The following LARS2 variants were observed in gnomAD, a reference collection of about 807,000 sequenced individuals.
LARS2 encodes the protein leucyl-tRNA synthetase 2, mitochondrial, also known as leucine--tRNA ligase, mitochondrial.
A neutral mutation model predicts 116.6 loss-of-function variants in LARS2; 81 were observed. The observed-to-expected ratio is 0.69, with a 90% CI of 0.58 to 0.84. The LOEUF is 0.84. Among genes scored for constraint, LARS2 ranks in the 40% least tolerant of loss-of-function variants. The probability of loss-of-function intolerance (pLI) is 0.00; values close to 1 mark genes in which losing one functional copy is unlikely to be tolerated. For missense variants in LARS2, 968 were observed against 1,114.5 expected (o/e 0.87, Z 1.87); for synonymous variants, 396 against 407.2 (o/e 0.97, Z 0.33).
At chr3:45,532,912 G>C (rs1700638621) in intron 20 of LARS2, among the ~76,000 whole-genome samples, 1 of 152,154 alleles carries the variant, frequency 6.6e-6, no homozygotes, top group Admixed American at 6.5e-5. Context: ...AAAGTGCTGG[G>C]ATTACAGGTG....
At position 45,511,026 on chromosome 3, in the gene LARS2, C is replaced by T. The variant is rs958850309; in HGVS notation, c.1761-2109C>T. On this transcript the variant is annotated intron_variant, in intron 15 of 21. Transcript: ENST00000645846. ...TGGTACGAAGAAGAATTCAGAGACTCGTTCTGAGCACCAGGAGTGCTGCTG... is the reference window on the plus strand; with the variant it reads ...TGGTACGAAGAAGAATTCAGAGACTTGTTCTGAGCACCAGGAGTGCTGCTG... 9.2e-5 allele frequency among the ~76,000 whole-genome samples: 14 copies of T among 152,164 alleles called. No individual in the cohort carries two copies. The South Asian group carries it at 1.2e-3, about 14-fold the overall frequency.
chr3:45,422,902 G>A (rs759561504), intron 6 of LARS2, among the ~76,000 whole-genome samples: 4 of 152,106 alleles, frequency 2.6e-5, no homozygotes, highest in Non-Finnish European at 4.4e-5. Context: ...GGGGCAATTT[G>A]GAGTCTTTGT....
At chr3:45,431,238 ATGTT>A (rs1253289089) in intron 6 of LARS2, among the ~76,000 whole-genome samples, 3 of 152,150 alleles carry the variant, frequency 2.0e-5, no homozygotes, top group African/African-American at 7.2e-5. Flanking sequence ...TGAAAAATAA[ATGTT>A]TGTTGTTTAA....
At chr3:45,388,854 A>G (rs1697890444) in intron 1 of LARS2, 174 bp downstream of exon 1, 1 of 152,128 alleles carries the variant, frequency 6.6e-6, no homozygotes, top group Non-Finnish European at 1.5e-5. Flanking sequence ...GGTCTTCAGG[A>G]CCTTTGAGCC....
chr3:45,406,681 AC>A (rs1698237809), intron 4 of LARS2, among the ~76,000 whole-genome samples: 1 of 151,898 alleles, frequency 6.6e-6, no homozygotes, highest in Non-Finnish European at 1.5e-5. Context: ...CACTGAGAAA[AC>A]CCTCTAAAAA....
chr3:45,402,417 C>T (rs1467697203), intron 4 of LARS2, among the ~76,000 whole-genome samples: 1 of 152,198 alleles, frequency 6.6e-6, no homozygotes, highest in Non-Finnish European at 1.5e-5. Context: ...AGCAAACCTA[C>T]AAATCATGGC....
intron 14 of LARS2, among the ~76,000 whole-genome samples, chr3:45,498,794 A>G (rs980166938): frequency 1.3e-5 from 2 of 152,208 alleles, no homozygotes; most frequent in Non-Finnish European, 2.9e-5. Flanking sequence ...AATGGAAATG[A>G]CATTTCCTTT....
At chr3:45,432,333 A>G (rs1283085137) in intron 6 of LARS2, among the ~76,000 whole-genome samples, 2 of 152,164 alleles carry the variant, frequency 1.3e-5, no homozygotes, top group South Asian at 2.1e-4. Flanking sequence ...AACACTCTAC[A>G]TGACAACAGA....
chr3:45,428,660 G>T (rs910201426), intron 6 of LARS2, among the ~76,000 whole-genome samples: 1 of 152,138 alleles, frequency 6.6e-6, no homozygotes, highest in Non-Finnish European at 1.5e-5. Flanking sequence ...AGTTTTTAAA[G>T]TTGTATCAAT....
intron 20 of LARS2, among the ~76,000 whole-genome samples, chr3:45,533,287 A>C (rs961047946): frequency 1.4e-4 from 21 of 150,934 alleles, no homozygotes; most frequent in African/African-American, 4.9e-4. Flanking sequence ...AGTAGCTGGG[A>C]CTACAGGCCC....
chr3:45,505,501 C>T lies in LARS2; in HGVS notation c.1760+4922C>T, dbSNP rs567485302. ...ATGAGTTTGAGACCAGCCTAGGCAA[C>T]GTAGTGAGACTCCATCTGTTAAAAA... On this transcript the variant is annotated intron_variant, in intron 15 of 21. Coordinates refer to ENST00000645846, the MANE Select transcript of LARS2 (RefSeq NM_015340.4). Among the ~76,000 whole-genome samples, 6 of 149,706 alleles carry T rather than the reference C, an allele frequency of 4.0e-5. No individual in the cohort carries two copies. In the South Asian group the frequency reaches 1.3e-3, roughly 32 times the overall value.
intron 20 of LARS2, among the ~76,000 whole-genome samples, chr3:45,532,489 T>TG (rs1490002533): frequency 1.3e-5 from 2 of 152,186 alleles, no homozygotes; most frequent in Non-Finnish European, 2.9e-5. Context: ...AAATTCTGTT[T>TG]GGGAAAAAAA....
rs1553632528 is a variant in LARS2 at position 45,462,429 on chromosome 3, A to AAG, written c.750+3544_750+3545insGA. 8.1e-4 allele frequency among the ~76,000 whole-genome samples: 117 copies of AAG among 145,010 alleles called. 1 individual carries two copies. The Middle Eastern group carries it at 0.011, about 13-fold the overall frequency. On this transcript the variant is annotated intron_variant, in intron 8 of 21. Coordinates refer to ENST00000645846, the MANE Select transcript of LARS2 (RefSeq NM_015340.4). ...GACCCCAATTTCTACCAAAAAAAAAAAAAGAAAGAAAGAAAGAAAGAAGCA... is the reference window on the plus strand; with the variant it reads ...GACCCCAATTTCTACCAAAAAAAAAAAGAAAGAAAGAAAGAAAGAAAGAAGCA...
At chr3:45,430,263 C>T (rs1698675551) in intron 6 of LARS2, among the ~76,000 whole-genome samples, 1 of 143,954 alleles carries the variant, frequency 6.9e-6, no homozygotes, top group Non-Finnish European at 1.5e-5. Context: ...TGAGCCACCG[C>T]ACCCGGCCAT....
intron 20 of LARS2, among the ~76,000 whole-genome samples, chr3:45,527,618 C>T (rs1164897073): frequency 1.3e-5 from 2 of 149,498 alleles, no homozygotes; most frequent in African/African-American, 2.5e-5. Flanking sequence ...AGCGAGACTC[C>T]GTCTCAAAAA....
At chr3:45,431,315 C>T (rs1698709564) in intron 6 of LARS2, among the ~76,000 whole-genome samples, 1 of 152,146 alleles carries the variant, frequency 6.6e-6, no homozygotes, top group African/African-American at 2.4e-5. Context: ...TCGCTTGTAC[C>T]TCTACTTTTT....
intron 14 of LARS2, among the ~76,000 whole-genome samples, chr3:45,497,779 C>T (rs1180439289): frequency 6.6e-6 from 1 of 152,064 alleles, no homozygotes; most frequent in Non-Finnish European, 1.5e-5. Context: ...CGGTGGCACG[C>T]ACCTGTAATC....
chr3:45,517,816 C>T (rs1048732943), intron 17 of LARS2, 87 bp from the exon 18 acceptor site: 6 of 1,036,386 alleles, frequency 5.8e-6, no homozygotes, highest in African/African-American at 1.6e-5. Context: ...CATCAATTCA[C>T]AGGTGTTTTT....
chr3:45,492,519 A>C (rs752858684), intron 13 of LARS2, among the ~76,000 whole-genome samples: 4 of 152,212 alleles, frequency 2.6e-5, no homozygotes, highest in Non-Finnish European at 5.9e-5. Context: ...GCCAGTATAG[A>C]GCTGAGTTAC....
Sources: allele counts gnomAD v4.1 joint callset (sites outside exome capture counted in the v4.1 genomes callset), GRCh38; gene constraint gnomAD v4.1.1; transcripts MANE v1.5; gene names NCBI Gene and HGNC (gene_info 2026-07-23, HGNC 2026-07-21).